The following BACH2 variants were observed in gnomAD, a reference collection of about 807,000 sequenced individuals.
The protein encoded by BACH2 is transcription regulator protein BACH2.
In BACH2, 5 loss-of-function variants were observed where a neutral mutation model predicts 61.8. The ratio of observed to expected loss-of-function variants is 0.08; its 90% CI spans 0.04 to 0.17. The LOEUF is 0.17. Ranked by LOEUF, BACH2 falls within the 10% of genes least tolerant of loss-of-function variation. The pLI is 1.00. For missense variants in BACH2, 824 were observed against 1,091.1 expected (o/e 0.76, Z 3.45); for synonymous variants, 446 against 440.1 (o/e 1.01, Z -0.17).
intron 4 of BACH2, among the ~76,000 whole-genome samples, chr6:90,123,508 C>T (rs901667639): frequency 6.6e-6 from 1 of 151,394 alleles, no homozygotes; most frequent in African/African-American, 2.4e-5. Context: ...CGGTGGCTCA[C>T]GCCTGTAATC....
chr6:90,257,852 T>C (rs1360234473), intron 2 of BACH2, among the ~76,000 whole-genome samples: 1 of 152,192 alleles, frequency 6.6e-6, no homozygotes, highest in Non-Finnish European at 1.5e-5. Context: ...CTCGGCTCAC[T>C]ACAATCTCGG....
chr6:89,981,387 C>T (rs1412868936), intron 6 of BACH2, among the ~76,000 whole-genome samples: 2 of 151,970 alleles, frequency 1.3e-5, no homozygotes, highest in African/African-American at 4.8e-5. Flanking sequence ...GTGATTTGCC[C>T]GCCTCGGCCT....
At chr6:90,177,896 A>G (rs1365995813) in intron 4 of BACH2, among the ~76,000 whole-genome samples, 1 of 152,174 alleles carries the variant, frequency 6.6e-6, no homozygotes, top group African/African-American at 2.4e-5. Flanking sequence ...GCCTTGAAAC[A>G]TCTCTTCCTT....
At chr6:90,133,990 T>C (rs1243380060) in intron 4 of BACH2, among the ~76,000 whole-genome samples, 5 of 152,248 alleles carry the variant, frequency 3.3e-5, no homozygotes, top group African/African-American at 9.6e-5. Flanking sequence ...TGAATAGTGC[T>C]GCAATAAACA....
At chr6:90,229,394 A>G (rs569093893) in intron 3 of BACH2, among the ~76,000 whole-genome samples, 1 of 151,988 alleles carries the variant, frequency 6.6e-6, no homozygotes, top group African/African-American at 2.4e-5. Context: ...TGGGAGGCGG[A>G]GGTTGCGGCG....
intron 3 of BACH2, among the ~76,000 whole-genome samples, chr6:90,251,171 C>G (rs1770796081): frequency 6.7e-6 from 1 of 150,208 alleles, no homozygotes; most frequent in Non-Finnish European, 1.5e-5. Flanking sequence ...TTTTTTTAAT[C>G]CTGATGATTT....
chr6:89,997,011 AC>A (rs1776884920), intron 6 of BACH2, among the ~76,000 whole-genome samples: 2 of 149,666 alleles, frequency 1.3e-5, no homozygotes, highest in African/African-American at 5.0e-5. Flanking sequence ...ACGGGCACAC[AC>A]ACACACACAC....
At chr6:90,204,604 G>T (rs1376962824) in intron 4 of BACH2, among the ~76,000 whole-genome samples, 1 of 152,172 alleles carries the variant, frequency 6.6e-6, no homozygotes, top group Non-Finnish European at 1.5e-5. Flanking sequence ...GCTGTGTGTG[G>T]AGAGTGAATC....
chr6:89,944,949 T>G (rs1198439429), intron 7 of BACH2, among the ~76,000 whole-genome samples: 1 of 152,054 alleles, frequency 6.6e-6, no homozygotes, highest in Non-Finnish European at 1.5e-5. Context: ...AAAACAAACC[T>G]ATAAACCATA....
At chr6:90,032,301 T>C (rs10806421) in intron 5 of BACH2, among the ~76,000 whole-genome samples, 1 of 145,016 alleles carries the variant, frequency 6.9e-6, no homozygotes, top group Non-Finnish European at 1.5e-5. Flanking sequence ...CATGGGCAAG[T>C]ACTTCATGTC....
intron 6 of BACH2, among the ~76,000 whole-genome samples, chr6:89,981,047 G>GA (rs1219705015): frequency 6.7e-6 from 1 of 148,564 alleles, no homozygotes; most frequent in Non-Finnish European, 1.5e-5. Context: ...ATTTTGGGAA[G>GA]AAAAAAAATA....
chr6:90,212,232 C>T (rs899397973), intron 3 of BACH2, among the ~76,000 whole-genome samples: 6 of 152,008 alleles, frequency 3.9e-5, no homozygotes, highest in African/African-American at 1.4e-4. Context: ...GAAAGCTAAT[C>T]CCTCCCTTCT....
intron 4 of BACH2, among the ~76,000 whole-genome samples, chr6:90,094,777 G>A (rs1310813513): frequency 6.6e-6 from 1 of 152,024 alleles, no homozygotes; most frequent in Non-Finnish European, 1.5e-5. Flanking sequence ...CCAATCTTTC[G>A]AGCTTCACCA....
intron 4 of BACH2, among the ~76,000 whole-genome samples, chr6:90,140,208 C>T (rs1400470868): frequency 2.0e-5 from 3 of 152,168 alleles, no homozygotes; most frequent in East Asian, 1.9e-4. Flanking sequence ...TCTCATTGGC[C>T]ATAACTTAGT....
intron 3 of BACH2, among the ~76,000 whole-genome samples, chr6:90,244,182 A>G (rs1770553378): frequency 6.6e-6 from 1 of 152,174 alleles, no homozygotes; most frequent in Non-Finnish European, 1.5e-5. Context: ...TGGGCCTCCC[A>G]AAGTGCTGGG....
At chr6:90,140,133 G>C (rs1364494160) in intron 4 of BACH2, among the ~76,000 whole-genome samples, 1 of 152,162 alleles carries the variant, frequency 6.6e-6, no homozygotes. Context: ...CCATGGAAAA[G>C]GGCTGAAGAA....
chr6:89,984,318 C>G (rs745357632), intron 6 of BACH2, among the ~76,000 whole-genome samples: 4 of 151,956 alleles, frequency 2.6e-5, no homozygotes, highest in Non-Finnish European at 5.9e-5. Flanking sequence ...AAGATATGGT[C>G]ACAGAGAAAC....
intron 1 of BACH2, among the ~76,000 whole-genome samples, chr6:90,273,871 C>T (rs941519559): frequency 6.6e-6 from 1 of 152,152 alleles, no homozygotes; most frequent in African/African-American, 2.4e-5. Context: ...TCTCAGAACC[C>T]CAGCTTCTTT....
chr6:90,182,370 C>T (rs1057007190), intron 4 of BACH2, among the ~76,000 whole-genome samples: 12 of 152,182 alleles, frequency 7.9e-5, no homozygotes, highest in African/African-American at 2.9e-4. Context: ...TGGGAAAACC[C>T]TTCCATATTC....
Sources: allele counts gnomAD v4.1 joint callset (sites outside exome capture counted in the v4.1 genomes callset), GRCh38; gene constraint gnomAD v4.1.1; transcripts MANE v1.5; gene names NCBI Gene and HGNC (gene_info 2026-07-23, HGNC 2026-07-21).